The following WASHC4 variants were observed in gnomAD, a reference collection of about 807,000 sequenced individuals.
WASHC4 encodes the protein WASH complex subunit 4, also known as WASH complex subunit 7.
In WASHC4, 86 loss-of-function variants were observed where a neutral mutation model predicts 166.6. That is an observed-to-expected ratio of 0.52 (90% CI 0.43 to 0.62). WASHC4 has a LOEUF of 0.62. Ranked by LOEUF, WASHC4 falls within the 20% of genes least tolerant of loss-of-function variation. The probability of loss-of-function intolerance (pLI) is 0.00; values close to 1 mark genes in which losing one functional copy is unlikely to be tolerated. For missense variants in WASHC4, 1,262 were observed against 1,382.4 expected (o/e 0.91, Z 1.38); for synonymous variants, 446 against 451.6 (o/e 0.99, Z 0.16).
chr12:105,135,294 A>T (rs1882209829), intron 14 of WASHC4, among the ~76,000 whole-genome samples: 1 of 151,790 alleles, frequency 6.6e-6, no homozygotes, highest in African/African-American at 2.4e-5. Flanking sequence ...AATACCTGCT[A>T]GTATTTCATT....
rs1474292605 is a variant in WASHC4 at position 105,157,332 on chromosome 12, A to G, written c.2912+10A>G. 1 of 1,441,762 alleles carries G rather than the reference A, an allele frequency of 6.9e-7. No homozygotes were observed. Among genetic ancestry groups the G allele is most frequent in the South Asian group, 1.1e-5 (1 of 87,332 alleles). The allele number at this position is 1,441,762 out of a possible 1,614,324, so 89.3% of individuals were successfully genotyped here. Reference sequence around the variant, plus strand: ...CATTAAAAGCAGCAAGGTAATCTAAATTTGGAAATATAAAAAAGTGTGTTT... The same window carrying G: ...CATTAAAAGCAGCAAGGTAATCTAAGTTTGGAAATATAAAAAAGTGTGTTT... On this transcript the variant is annotated intron_variant, in intron 28 of 32. Transcript: ENST00000332180.
intron 7 of WASHC4, 93 bp downstream of exon 7, chr12:105,118,621 T>G: frequency 1.3e-6 from 1 of 796,600 alleles, no homozygotes; most frequent in Non-Finnish European, 2.2e-6. Context: ...TTTCTTTCAT[T>G]CAGCATTCTT....
Position 105,133,772 on chromosome 12 carries a change from A to T in WASHC4, c.1202A>T (p.Asp401Val). 6.2e-7 allele frequency: 1 copy of T among 1,612,220 alleles called. No individual in the cohort carries two copies. The highest frequency in any genetic ancestry group is 1.1e-5 in the South Asian group (1 of 91,030). Residue 401 changes from aspartate to valine, a missense_variant and splice_region_variant, in exon 14 of 33, where the codon GAT (aspartate) becomes GTT (valine). Coordinates refer to ENST00000332180, the MANE Select transcript of WASHC4 (RefSeq NM_015275.3). ...LQQKAQSLTK[D>V]VQSYYVFVSS... Reference sequence around the variant, plus strand: ...ACCCCAATATTTTCCTTTGTTAGAGATGTACAGTCTTACTACGTCTTTGTG... The same window carrying T: ...ACCCCAATATTTTCCTTTGTTAGAGTTGTACAGTCTTACTACGTCTTTGTG...
chr12:105,125,626 C>CTA (rs1274447106), intron 10 of WASHC4, among the ~76,000 whole-genome samples: 1 of 151,994 alleles, frequency 6.6e-6, no homozygotes, highest in Non-Finnish European at 1.5e-5. Flanking sequence ...TCTATACATG[C>CTA]TATAATAAAG....
At chr12:105,159,847 ATAAGTT>A (rs1224223359) in intron 28 of WASHC4, among the ~76,000 whole-genome samples, 148 bp from the exon 29 acceptor site, 1 of 152,244 alleles carries the variant, frequency 6.6e-6, no homozygotes, top group Non-Finnish European at 1.5e-5. Flanking sequence ...CCATGAGAAA[ATAAGTT>A]TATTCTGAAC....
intron 20 of WASHC4, 67 bp from the exon 21 acceptor site, chr12:105,144,220 A>G (rs1883102763): frequency 7.6e-7 from 1 of 1,318,256 alleles, no homozygotes; most frequent in Non-Finnish European, 1.1e-6. Context: ...GAGCATAGAC[A>G]TGTAGGGAAA....
At chr12:105,142,071 G>A (rs1461251357) in intron 18 of WASHC4, among the ~76,000 whole-genome samples, 1 of 151,414 alleles carries the variant, frequency 6.6e-6, no homozygotes, top group Non-Finnish European at 1.5e-5. Flanking sequence ...GGAAAATGGA[G>A]CATGTGATGC....
chr12:105,164,742 T>C lies in WASHC4; in HGVS notation c.3454+2T>C, dbSNP rs1198718113. The C allele has an allele frequency of 4.4e-6, 7 of 1,602,628 alleles. No homozygotes were observed. The highest frequency in any genetic ancestry group is 6.0e-6 in the Non-Finnish European group (7 of 1,170,564). On this transcript the variant is annotated splice_donor_variant, in intron 32 of 32. Coordinates refer to ENST00000332180, the MANE Select transcript of WASHC4 (RefSeq NM_015275.3). LOFTEE classifies it high-confidence loss of function. ...ACCAAGAAAAGAAAGAGAAGGAAGGTCAGTGAGTGGTTTAAATTTGGAAAG... is the reference window on the plus strand; with the variant it reads ...ACCAAGAAAAGAAAGAGAAGGAAGGCCAGTGAGTGGTTTAAATTTGGAAAG...
chr12:105,144,712 TGGTAG>T lies in WASHC4; in HGVS notation c.2180-5_2180-1del. On this transcript the variant is annotated splice_acceptor_variant and splice_polypyrimidine_tract_variant and intron_variant, in intron 21 of 32. Transcript: ENST00000332180. LOFTEE classifies it high-confidence loss of function. ...TTTCACAAGTTGAATTTTTTTTTTT[TGGTAG>T]CTTACGTAACTCACTACCTAGACAA... 6.2e-7 allele frequency: 1 copy of T among 1,608,686 alleles called. No individual in the cohort carries two copies. Among genetic ancestry groups the T allele is most frequent in the Admixed American group, 1.7e-5 (1 of 59,658 alleles).
At chr12:105,126,594 C>A (rs1213223446) in intron 12 of WASHC4, among the ~76,000 whole-genome samples, 2 of 151,988 alleles carry the variant, frequency 1.3e-5, no homozygotes. Flanking sequence ...TGTACAACTT[C>A]TCTTAGTGCT....
intron 15 of WASHC4, among the ~76,000 whole-genome samples, chr12:105,140,022 C>T (rs1016417459): frequency 1.3e-5 from 2 of 151,930 alleles, no homozygotes; most frequent in East Asian, 1.9e-4. Flanking sequence ...CAGGTGTGCG[C>T]CACCATGCCC....
intron 10 of WASHC4, among the ~76,000 whole-genome samples, chr12:105,122,670 G>A (rs1239321522): frequency 1.3e-5 from 2 of 151,706 alleles, no homozygotes; most frequent in Admixed American, 1.3e-4. Flanking sequence ...GTCACATTTT[G>A]GTAATTCTTG....
Position 105,160,003 on chromosome 12 carries a change from A to G in WASHC4, c.2915A>G (p.His972Arg), listed in dbSNP as rs1281893443. 1.2e-6 allele frequency: 2 copies of G among 1,613,950 alleles called. No homozygotes were observed. The highest frequency in any genetic ancestry group is 1.7e-6 in the Non-Finnish European group (2 of 1,179,914). The change falls in exon 29 of 33, where the codon CAT becomes CGT. Residue 972 changes from histidine (H) to arginine (R), a missense_variant and splice_region_variant. By Grantham distance (29) the His-to-Arg change is conservative. Transcript: ENST00000332180. Reference sequence around the variant, plus strand: ...CCAAATAATTTTTTGCTTTTTAGGCATTTGGATTCAGTCCTCAGTGATCAC... The same window carrying G: ...CCAAATAATTTTTTGCTTTTTAGGCGTTTGGATTCAGTCCTCAGTGATCAC... ...LAEETLKAAR[H>R]LDSVLSDHTR...
rs145524080 is a variant in WASHC4, at chr12:105,117,651, T to C, written c.436-795T>C. Among the ~76,000 whole-genome samples, 8 of 152,344 alleles carry C rather than the reference T, an allele frequency of 5.3e-5. No homozygotes were observed. In the South Asian group the frequency reaches 1.0e-3, roughly 20 times the overall value. On this transcript the variant is annotated intron_variant, in intron 6 of 32. Coordinates refer to ENST00000332180, the MANE Select transcript of WASHC4 (RefSeq NM_015275.3). ...TCCGTTTTTAAACATTCAACAAATATGTTTTGTAAGCCTAGTATATGCTAG... is the reference window on the plus strand; with the variant it reads ...TCCGTTTTTAAACATTCAACAAATACGTTTTGTAAGCCTAGTATATGCTAG...
intron 9 of WASHC4, 70 bp downstream of exon 9, chr12:105,121,274 C>T: frequency 2.2e-6 from 2 of 917,662 alleles, no homozygotes; most frequent in Non-Finnish European, 1.8e-6. Context: ...AAAAAGTAAA[C>T]AGATATAAAT....
In WASHC4 at chr12:105,120,606, C is replaced by A; in HGVS notation, c.561+9C>A. 6.3e-7 allele frequency: 1 copy of A among 1,582,694 alleles called. No individual in the cohort carries two copies. The highest frequency in any genetic ancestry group is 8.7e-7 in the Non-Finnish European group (1 of 1,151,720). On this transcript the variant is annotated intron_variant, in intron 8 of 32. Transcript: ENST00000332180. ...CTGGAGTTCATTTTCAGGTAAAAGA[C>A]ATTTAGCTTGACCTGTAAAACTGTA...
chr12:105,133,689 G>A (rs1196815), intron 13 of WASHC4, 81 bp from the exon 14 acceptor site: 13,968 of 1,146,736 alleles, frequency 0.012, 144 homozygotes, highest in Middle Eastern at 0.042. Context: ...ACTGCTGCAG[G>A]GAAATAATGT....
intron 20 of WASHC4, 70 bp downstream of exon 20, chr12:105,143,313 G>A (rs1189802305): frequency 1.2e-6 from 1 of 864,576 alleles, no homozygotes; most frequent in Non-Finnish European, 2.0e-6. Flanking sequence ...AAAAATGTTC[G>A]ATTGAAGCAG....
chr12:105,146,000 A>G (rs1190736147), intron 22 of WASHC4, among the ~76,000 whole-genome samples: 2 of 152,148 alleles, frequency 1.3e-5, no homozygotes, highest in Non-Finnish European at 1.5e-5. Flanking sequence ...TGTGGAATTT[A>G]GAAGAATGAT....
Sources: allele counts gnomAD v4.1 joint callset (sites outside exome capture counted in the v4.1 genomes callset), GRCh38; gene constraint gnomAD v4.1.1; transcripts MANE v1.5; gene names NCBI Gene and HGNC (gene_info 2026-07-23, HGNC 2026-07-21).